FAM135B: variants seen among roughly 807,000 people sequenced by gnomAD.
FAM135B encodes protein FAM135B.
FAM135B carries 43 observed loss-of-function variants against 127.7 expected under a neutral mutation model. That is an observed-to-expected ratio of 0.34 (90% CI 0.26 to 0.43). FAM135B has a LOEUF of 0.43. Ranked by LOEUF, FAM135B falls within the 20% of genes least tolerant of loss-of-function variation. The pLI is 1.00. For missense variants in FAM135B, 1,558 were observed against 1,725.6 expected, an observed-to-expected ratio of 0.90 and a Z score of 1.72; for synonymous variants, 670 against 665.1, an observed-to-expected ratio of 1.01 and a Z score of -0.11.
At position 138,350,745 on chromosome 8, in the gene FAM135B, C is replaced by T. The variant is rs567502468; in HGVS notation, c.77+17162G>A. On this transcript the variant is annotated intron_variant, in intron 2 of 19. Transcript: ENST00000395297. The stretch of plus-strand genomic sequence containing the variant: ...AAGGCAAAGCTTCTTTTTCCTATGC[C>T]CTGTTTCCTTATTCATACATTAAGG... Among the ~76,000 whole-genome samples, 5 of 152,274 alleles carry T rather than the reference C, an allele frequency of 3.3e-5. No homozygotes were observed. In the East Asian group the frequency reaches 9.7e-4, roughly 29 times the overall value.
At chr8:138,265,564 G>A (rs1822848577) in intron 4 of FAM135B, 139 bp downstream of exon 4, 1 of 841,138 alleles carries the variant, frequency 1.2e-6, no homozygotes, top group African/African-American at 1.7e-5. Context: ...ATAAGTGCAT[G>A]AGTGCACTAA....
intron 2 of FAM135B, among the ~76,000 whole-genome samples, chr8:138,315,996 C>T (rs1018726630): frequency 6.6e-6 from 1 of 151,670 alleles, no homozygotes; most frequent in Non-Finnish European, 1.5e-5. Context: ...CTGAAATTTG[C>T]TAAGAGAACA....
chr8:138,411,977 A>G (rs757335059), intron 1 of FAM135B, among the ~76,000 whole-genome samples: 5 of 152,140 alleles, frequency 3.3e-5, no homozygotes, highest in African/African-American at 4.8e-5. Context: ...AAAACCAAAT[A>G]CCGTATGTTC....
chr8:138,242,825 T>C lies in FAM135B; in HGVS notation c.669+117A>G. On this transcript the variant is annotated intron_variant, in intron 7 of 19. Transcript: ENST00000395297. This position sits in a 1 kb window ranked among gnomAD's most constrained non-coding sequence, Gnocchi z 9.6. The stretch of plus-strand genomic sequence containing the variant: ...GGTGGGAAGATGGTGAAAGGAAGGG[T>C]CAAATTAGCAAAAATCTCTGAAGGG... 7.3e-7 allele frequency: 1 copy of C among 1,377,718 alleles called. No individual in the cohort carries two copies. The highest frequency in any genetic ancestry group is 9.7e-7 in the Non-Finnish European group (1 of 1,032,914). The allele number at this position is 1,377,718 out of a possible 1,614,324, so 85.3% of individuals were successfully genotyped here.
At chr8:138,479,283 T>G (rs1031886978) in intron 1 of FAM135B, among the ~76,000 whole-genome samples, 5 of 152,144 alleles carry the variant, frequency 3.3e-5, no homozygotes, top group African/African-American at 1.2e-4. Context: ...AATAAATCAT[T>G]GACATTGGTA....
intron 3 of FAM135B, among the ~76,000 whole-genome samples, chr8:138,280,311 G>C (rs1329091380): frequency 6.6e-6 from 1 of 152,186 alleles, no homozygotes; most frequent in Admixed American, 6.5e-5. Flanking sequence ...TGAACACCTA[G>C]GCCTGCATCC....
At chr8:138,246,403 C>A (rs1379072614) in intron 6 of FAM135B, among the ~76,000 whole-genome samples, 1 of 152,126 alleles carries the variant, frequency 6.6e-6, no homozygotes, top group Non-Finnish European at 1.5e-5. Context: ...GGACTTGGTG[C>A]CCTGTGTTCC....
intron 1 of FAM135B, among the ~76,000 whole-genome samples, chr8:138,451,527 G>C (rs1039786049): frequency 6.6e-6 from 1 of 152,140 alleles, no homozygotes; most frequent in South Asian, 2.1e-4. Context: ...TTAAAGTAAG[G>C]GGACAACCCC....
At chr8:138,244,233 T>C (rs550894388) in intron 6 of FAM135B, among the ~76,000 whole-genome samples, 6 of 150,730 alleles carry the variant, frequency 4.0e-5, no homozygotes, top group African/African-American at 1.5e-4. Flanking sequence ...AGGAAACCAA[T>C]AGATGTAATA....
At chr8:138,416,381 A>G (rs899051675) in intron 1 of FAM135B, among the ~76,000 whole-genome samples, 24 of 152,174 alleles carry the variant, frequency 1.6e-4, no homozygotes, top group African/African-American at 5.8e-4. Context: ...AATACATAAG[A>G]CCTGTTGTTT....
At chr8:138,142,288 CTTTTTTTT>C (rs71316322) in intron 16 of FAM135B, among the ~76,000 whole-genome samples, 92 of 62,390 alleles carry the variant, frequency 1.5e-3, no homozygotes, top group African/African-American at 4.9e-3. Context: ...TCTGCTTCTT[CTTTTTTTT>C]TTTTTTTTTT....
intron 1 of FAM135B, among the ~76,000 whole-genome samples, chr8:138,415,260 C>T (rs1834074709): frequency 6.6e-6 from 1 of 152,102 alleles, no homozygotes; most frequent in Admixed American, 6.6e-5. Flanking sequence ...AAAAACAGCT[C>T]CATTTTTGCA....
chr8:138,461,178 C>T (rs961102683), intron 1 of FAM135B, among the ~76,000 whole-genome samples: 1 of 152,072 alleles, frequency 6.6e-6, no homozygotes, highest in African/African-American at 2.4e-5. Flanking sequence ...GATACTCTTA[C>T]GTTAAGCTGA....
chr8:138,249,664 A>G (rs1245718724), intron 6 of FAM135B, among the ~76,000 whole-genome samples: 2 of 152,004 alleles, frequency 1.3e-5, no homozygotes, highest in African/African-American at 2.4e-5. Flanking sequence ...CTAATTTCCT[A>G]CTCTCTGACC....
chr8:138,421,640 CACAA>C (rs1204443603), intron 1 of FAM135B, among the ~76,000 whole-genome samples: 1 of 152,040 alleles, frequency 6.6e-6, no homozygotes, highest in Non-Finnish European at 1.5e-5. Flanking sequence ...TCAGAAATGA[CACAA>C]ACAAATAGAA....
chr8:138,407,608 C>T (rs202014387), intron 1 of FAM135B, among the ~76,000 whole-genome samples: 3 of 152,170 alleles, frequency 2.0e-5, no homozygotes, highest in South Asian at 4.2e-4. Flanking sequence ...ATGCTGCATA[C>T]CTACAACTAT....
intron 12 of FAM135B, among the ~76,000 whole-genome samples, chr8:138,156,209 T>C (rs1047041342): frequency 6.6e-6 from 1 of 152,114 alleles, no homozygotes; most frequent in African/African-American, 2.4e-5. Flanking sequence ...GGGTTCATAA[T>C]GAAATGAAGG....
At chr8:138,251,337 C>A (rs1050686826) in intron 5 of FAM135B, among the ~76,000 whole-genome samples, 7 of 152,098 alleles carry the variant, frequency 4.6e-5, no homozygotes, top group African/African-American at 1.7e-4. Flanking sequence ...AACATTGAAG[C>A]CTCCTACTTT....
In FAM135B at chr8:138,144,544, A is replaced by G. The variant is rs142752890; in HGVS notation, c.3540+1415T>C. On this transcript the variant is annotated intron_variant, in intron 15 of 19. Transcript: ENST00000395297. ...ATTATTTAAACAAGTGGCTATAATT[A>G]TGAGGCCTGAGTTGACCATGATGAG... Among the ~76,000 whole-genome samples the G allele has an allele frequency of 5.1e-3, 775 of 152,298 alleles. 3 individuals carry two copies. Among genetic ancestry groups the G allele is most frequent in the African/African-American group, 0.018 (732 of 41,552 alleles).
Sources: gnomAD v4.1 joint callset for allele counts (sites outside exome capture counted in the v4.1 genomes callset) on GRCh38, gnomAD v4.1.1 for gene constraint, Gnocchi (gnomAD v3.1) non-coding constraint, MANE v1.5 for transcripts, NCBI Gene and HGNC (gene_info 2026-07-23, HGNC 2026-07-21) for gene names.